Variants in FGD4 observed in about 807,000 individuals in gnomAD.
FGD4 encodes the protein FYVE, RhoGEF and PH domain containing 4.
In FGD4, 42 loss-of-function variants were observed where a neutral mutation model predicts 102.0. The ratio of observed to expected loss-of-function variants is 0.41; its 90% CI spans 0.32 to 0.53. The LOEUF is 0.53. Ranked by LOEUF, FGD4 falls within the 20% of genes least tolerant of loss-of-function variation. The pLI is 0.21. For missense variants in FGD4, 902 were observed against 1,078.2 expected (o/e 0.84, Z 2.29); for synonymous variants, 380 against 375.7 (o/e 1.01, Z -0.13).
In FGD4 at chr12:32,528,216, C is replaced by A. The variant is rs186600782; in HGVS notation, c.167-35921C>A. ...CCTCCCAGAGTGCTGGGATTACAGG[C>A]GTGAGCCACCGCACTGGGCTAGTAA... is the stretch of plus-strand genomic sequence containing the variant. On this transcript the variant is annotated intron_variant, in intron 1 of 16. Coordinates refer to ENST00000534526, the MANE Select transcript of FGD4 (RefSeq NM_001370298.3). Among the ~76,000 whole-genome samples, 450 of 152,176 alleles carry A rather than the reference C, an allele frequency of 3.0e-3. 2 individuals carry two copies. The highest frequency in any genetic ancestry group is 5.6e-3 in the Admixed American group (85 of 15,290).
intron 1 of FGD4, among the ~76,000 whole-genome samples, chr12:32,489,672 T>C (rs138876116): frequency 1.3e-5 from 2 of 152,352 alleles, no homozygotes; most frequent in Admixed American, 6.5e-5. Context: ...CAGGTGCTTA[T>C]TGAGCACCTA....
In FGD4 at chr12:32,466,837, C is replaced by T. The variant is rs1943265500; in HGVS notation, c.166+66878C>T. Reference sequence around the variant, plus strand: ...GAGCCAAGATGGCGTCACTGCACTCCAGCCTGGGCAACACAGCGAGAGTCT... The same window carrying T: ...GAGCCAAGATGGCGTCACTGCACTCTAGCCTGGGCAACACAGCGAGAGTCT... On this transcript the variant is annotated intron_variant, in intron 1 of 16. Transcript: ENST00000534526. Among the ~76,000 whole-genome samples, 3 of 136,906 alleles carry T rather than the reference C, an allele frequency of 2.2e-5. No individual in the cohort carries two copies. The South Asian group carries it at 6.8e-4, about 31-fold the overall frequency. The allele number at this position is 136,906 out of a possible 152,430, so 89.8% of individuals were successfully genotyped here.
chr12:32,506,381 C>T lies in FGD4; in HGVS notation c.167-57756C>T, dbSNP rs1938736668. Among the ~76,000 whole-genome samples, 1 of 152,154 alleles carries T rather than the reference C, an allele frequency of 6.6e-6. No individual in the cohort carries two copies. Among genetic ancestry groups the T allele is most frequent in the Non-Finnish European group, 1.5e-5 (1 of 68,034 alleles). On this transcript the variant is annotated intron_variant, in intron 1 of 16. Coordinates refer to ENST00000534526, the MANE Select transcript of FGD4 (RefSeq NM_001370298.3). This position sits in a 1 kb window ranked among gnomAD's most constrained non-coding sequence, Gnocchi z 4.5. ...AGCTTGCAGGCATTCTCCCTTCTAG[C>T]CCTATCTATATGTGAAGTAAAATGA...
At chr12:32,523,696 C>T (rs1427495924) in intron 1 of FGD4, among the ~76,000 whole-genome samples, 5 of 152,220 alleles carry the variant, frequency 3.3e-5, no homozygotes, top group African/African-American at 4.8e-5. Flanking sequence ...AGCTCTGGGC[C>T]GGGTGCGGTG....
chr12:32,632,728 G>A (rs1440700135), intron 14 of FGD4, among the ~76,000 whole-genome samples: 1 of 120,158 alleles, frequency 8.3e-6, no homozygotes, highest in Non-Finnish European at 1.8e-5. Context: ...TTTTTTTTGA[G>A]ACAGGGTCTT....
chr12:32,563,161 G>A (rs1183205374), intron 1 of FGD4, among the ~76,000 whole-genome samples: 3 of 151,220 alleles, frequency 2.0e-5, no homozygotes, highest in Admixed American at 2.0e-4. Context: ...CCTCCCTCCC[G>A]GATGGGGTGG....
intron 1 of FGD4, among the ~76,000 whole-genome samples, chr12:32,519,327 A>G (rs1236394170): frequency 6.6e-6 from 1 of 152,194 alleles, no homozygotes; most frequent in Non-Finnish European, 1.5e-5. Flanking sequence ...GAGCAGCAGA[A>G]AAGTACACTA....
intron 1 of FGD4, 71 bp downstream of exon 1, chr12:32,400,030 C>A (rs1449699454): frequency 3.6e-6 from 5 of 1,399,014 alleles, no homozygotes; most frequent in Non-Finnish European, 4.6e-6. Flanking sequence ...CTCCCAGCGC[C>A]CTGCAGGTGC....
chr12:32,573,517 T>G (rs907536693), intron 2 of FGD4, among the ~76,000 whole-genome samples: 9 of 152,220 alleles, frequency 5.9e-5, no homozygotes, highest in African/African-American at 2.2e-4. Flanking sequence ...TCATTTTCAT[T>G]CATCAGTTAG....
intron 4 of FGD4, among the ~76,000 whole-genome samples, chr12:32,586,320 A>G (rs1299019337): frequency 1.3e-5 from 2 of 152,240 alleles, no homozygotes; most frequent in South Asian, 4.1e-4. Flanking sequence ...TTGGCAAAGC[A>G]CAGAAAATAC....
At chr12:32,410,220 C>T (rs560058037) in intron 1 of FGD4, among the ~76,000 whole-genome samples, 9 of 151,836 alleles carry the variant, frequency 5.9e-5, no homozygotes, top group African/African-American at 1.4e-4. Flanking sequence ...CCCAGCTACT[C>T]GGGAGGCTGA....
intron 2 of FGD4, among the ~76,000 whole-genome samples, chr12:32,564,886 A>G (rs1945058225): frequency 6.6e-6 from 1 of 152,234 alleles, no homozygotes; most frequent in Non-Finnish European, 1.5e-5. Flanking sequence ...TTTCCAGTGA[A>G]CTGGGTATTA....
intron 1 of FGD4, among the ~76,000 whole-genome samples, chr12:32,492,783 A>T (rs1255913726): frequency 6.6e-6 from 1 of 151,068 alleles, no homozygotes; most frequent in African/African-American, 2.4e-5. Context: ...TATTTCTCTT[A>T]TTTTTTTTTG....
chr12:32,541,129 TTC>T (rs1942791446), intron 1 of FGD4, among the ~76,000 whole-genome samples: 1 of 152,128 alleles, frequency 6.6e-6, no homozygotes, highest in Admixed American at 6.5e-5. Flanking sequence ...AACTTCTTTC[TTC>T]TGTCAGCCAA....
chr12:32,599,366 C>T (rs1438958654), intron 5 of FGD4, among the ~76,000 whole-genome samples: 1 of 142,324 alleles, frequency 7.0e-6, no homozygotes, highest in East Asian at 2.1e-4. Context: ...TGGTAGCGGG[C>T]GCCTGTAGTC....
intron 1 of FGD4, among the ~76,000 whole-genome samples, chr12:32,549,109 G>T (rs907949417): frequency 6.6e-6 from 1 of 152,234 alleles, no homozygotes; most frequent in African/African-American, 2.4e-5. Flanking sequence ...TGAGTTCAGA[G>T]TTAAGCAGGT....
At chr12:32,586,506 C>T (rs1024385095) in intron 4 of FGD4, among the ~76,000 whole-genome samples, 4 of 152,154 alleles carry the variant, frequency 2.6e-5, no homozygotes, top group Non-Finnish European at 5.9e-5. Context: ...TCAAACTTTC[C>T]ATAAGCCTAA....
intron 1 of FGD4, among the ~76,000 whole-genome samples, chr12:32,489,806 T>C (rs568756272): frequency 8.7e-4 from 133 of 152,314 alleles, no homozygotes; most frequent in Non-Finnish European, 1.6e-3. Context: ...ATTTTATTTA[T>C]ATATTAAAAA....
intron 4 of FGD4, among the ~76,000 whole-genome samples, chr12:32,588,474 T>C (rs1035046634): frequency 6.6e-6 from 1 of 152,144 alleles, no homozygotes; most frequent in Non-Finnish European, 1.5e-5. Context: ...GGAGAAGTCA[T>C]GGAGAATCTA....
Sources: allele counts gnomAD v4.1 joint callset (sites outside exome capture counted in the v4.1 genomes callset), GRCh38; gene constraint gnomAD v4.1.1; non-coding constraint Gnocchi (gnomAD v3.1); transcripts MANE v1.5; gene names NCBI Gene and HGNC (gene_info 2026-07-23, HGNC 2026-07-21).